MRPS27: variants seen among roughly 807,000 people sequenced by gnomAD.
MRPS27 encodes mitochondrial ribosomal protein S27, also known as small ribosomal subunit protein mS27.
In MRPS27, 43 loss-of-function variants were observed where a neutral mutation model predicts 48.9. The ratio of observed to expected loss-of-function variants is 0.88; its 90% CI spans 0.69 to 1.13. The LOEUF is 1.13. Ranked by LOEUF, MRPS27 falls within the 50% of genes most tolerant of loss-of-function variation. The pLI, the probability that MRPS27 is intolerant of heterozygous loss-of-function variation, is 0.00. For synonymous variants in MRPS27, 188 were observed against 171.9 expected (o/e 1.09, Z -0.73); for missense variants, 467 against 476.3 (o/e 0.98, Z 0.18).
chr5:72,271,483 G>T (rs190211701), intron 4 of MRPS27, among the ~76,000 whole-genome samples: 15 of 152,020 alleles, frequency 9.9e-5, no homozygotes, highest in African/African-American at 3.6e-4. Context: ...TAAAAAACAA[G>T]AGTTAAACCC....
chr5:72,316,324 C>T (rs1008946264), intron 1 of MRPS27, among the ~76,000 whole-genome samples: 1 of 152,158 alleles, frequency 6.6e-6, no homozygotes, highest in Non-Finnish European at 1.5e-5. Flanking sequence ...GGCTCCAGAA[C>T]TCTGTGTTTA....
intron 3 of MRPS27, among the ~76,000 whole-genome samples, chr5:72,296,677 A>G (rs1749991311): frequency 6.6e-6 from 1 of 152,234 alleles, no homozygotes; most frequent in Admixed American, 6.5e-5. Flanking sequence ...TGAGTCTATT[A>G]AATGTAACTT....
Position 72,219,938 on chromosome 5 carries a change from C to T in MRPS27, c.*971G>A, listed in dbSNP as rs960976786. The stretch of plus-strand genomic sequence containing the variant: ...AATCCAAAAAAGCTTCATGCTAGAG[C>T]TAGCTTTCTCCTCAGAAACTTACAT... On this transcript the variant is annotated 3_prime_UTR_variant, in exon 11 of 11. Transcript: ENST00000261413. 4 of 152,642 alleles carry T rather than the reference C, an allele frequency of 2.6e-5. No individual in the cohort carries two copies. Among genetic ancestry groups the T allele is most frequent in the Non-Finnish European group, 5.9e-5 (4 of 68,038 alleles). The allele number at this position is 152,642 out of a possible 1,614,324, so 9.5% of individuals were successfully genotyped here.
chr5:72,276,907 T>C (rs896101813), intron 4 of MRPS27, among the ~76,000 whole-genome samples: 1 of 152,076 alleles, frequency 6.6e-6, no homozygotes, highest in Non-Finnish European at 1.5e-5. Context: ...GACGGGCACC[T>C]GTAGTCCCAG....
intron 4 of MRPS27, among the ~76,000 whole-genome samples, chr5:72,280,058 C>T (rs570614849): frequency 6.6e-6 from 1 of 152,296 alleles, no homozygotes; most frequent in South Asian, 2.1e-4. Context: ...TGGGTTCTCT[C>T]TATTCTGCTC....
intron 2 of MRPS27, among the ~76,000 whole-genome samples, chr5:72,300,612 T>C (rs192841782): frequency 6.6e-6 from 1 of 152,338 alleles, no homozygotes; most frequent in East Asian, 1.9e-4. Context: ...AGGCCAAAAA[T>C]GTAGGCATCA....
In MRPS27 at chr5:72,307,722, G is replaced by A. The variant is rs1750312027; in HGVS notation, c.151+6359C>T. ...AGAAGTCAGGATACCGGTTACCTTT[G>A]GAGAGACTAAGTGGGGGCCGCAATA... On this transcript the variant is annotated intron_variant, in intron 2 of 10. Transcript: ENST00000261413. Among the ~76,000 whole-genome samples, 3 of 152,040 alleles carry A rather than the reference G, an allele frequency of 2.0e-5. No individual in the cohort carries two copies. In the South Asian group the frequency reaches 6.2e-4, roughly 31 times the overall value.
intron 5 of MRPS27, 113 bp downstream of exon 5, chr5:72,237,900 CA>C: frequency 1.5e-6 from 1 of 686,542 alleles, no homozygotes. Context: ...TATTTGAGGC[CA>C]AATAATTTTT....
At position 72,223,759 on chromosome 5, in the gene MRPS27, G is replaced by A. The variant is rs1020975144; in HGVS notation, c.929C>T (p.Ser310Leu). 1 of 1,613,940 alleles carries A rather than the reference G, an allele frequency of 6.2e-7. No individual in the cohort carries two copies. The highest frequency in any genetic ancestry group is 1.6e-4 in the Middle Eastern group (1 of 6,062). The change falls in exon 10 of 11, where the codon TCA (serine) becomes TTA (leucine). Residue 310 changes from serine to leucine, a missense_variant. By Grantham distance (145) the Ser-to-Leu change is moderately radical (BLOSUM62 -2). Transcript: ENST00000261413. Reference protein sequence around the residue: ...QSQNDEDNQGSEKLVEQLDIE... With the variant: ...QSQNDEDNQGLEKLVEQLDIE... ...GTCTAACTGCTCCACCAGTTTTTCT[G>A]ACCCCTGGTTGTCTTCATCATTTTG...
At chr5:72,229,927 C>G (rs1024166525) in intron 7 of MRPS27, among the ~76,000 whole-genome samples, 2 of 152,082 alleles carry the variant, frequency 1.3e-5, no homozygotes, top group African/African-American at 4.8e-5. Context: ...GCCCTATTGC[C>G]CAGGCTGGAA....
At chr5:72,298,568 C>T (rs1580110352) in intron 2 of MRPS27, among the ~76,000 whole-genome samples, 1 of 151,516 alleles carries the variant, frequency 6.6e-6, no homozygotes, top group Non-Finnish European at 1.5e-5. Context: ...TAGCCGGGCG[C>T]GGTGGCGGGC....
intron 4 of MRPS27, among the ~76,000 whole-genome samples, chr5:72,250,293 T>C (rs1362417652): frequency 6.6e-6 from 1 of 152,216 alleles, no homozygotes; most frequent in Non-Finnish European, 1.5e-5. Context: ...AAAGTTGGTG[T>C]CCATCATTCT....
At chr5:72,283,319 G>A (rs1449607008) in intron 4 of MRPS27, among the ~76,000 whole-genome samples, 1 of 152,094 alleles carries the variant, frequency 6.6e-6, no homozygotes, top group East Asian at 1.9e-4. Flanking sequence ...TTAATTCTAT[G>A]TCACACTGTT....
chr5:72,243,839 C>T (rs1035927139), intron 4 of MRPS27, among the ~76,000 whole-genome samples: 1 of 152,126 alleles, frequency 6.6e-6, no homozygotes, highest in African/African-American at 2.4e-5. Flanking sequence ...AAAATTCATA[C>T]GTTCAGTTTA....
intron 4 of MRPS27, among the ~76,000 whole-genome samples, chr5:72,264,432 A>G (rs888891528): frequency 1.8e-4 from 28 of 152,050 alleles, no homozygotes; most frequent in Non-Finnish European, 1.3e-4. Flanking sequence ...AAAGAGAGAG[A>G]GACTTACAAA....
intron 7 of MRPS27, chr5:72,229,692 A>C (rs941027510): frequency 6.5e-6 from 1 of 152,840 alleles, no homozygotes; most frequent in South Asian, 2.1e-4. Context: ...GGAGTCGAGC[A>C]GGGGTGGTGA....
intron 4 of MRPS27, among the ~76,000 whole-genome samples, chr5:72,246,209 A>T (rs1171387376): frequency 1.3e-5 from 2 of 152,250 alleles, no homozygotes; most frequent in Non-Finnish European, 2.9e-5. Flanking sequence ...AGGATTATTT[A>T]TATTTGAAAC....
chr5:72,275,315 C>T (rs1216120344), intron 4 of MRPS27, among the ~76,000 whole-genome samples: 2 of 152,122 alleles, frequency 1.3e-5, no homozygotes, highest in Admixed American at 6.5e-5. Flanking sequence ...TAGGAATACA[C>T]TAACAAGCAA....
At chr5:72,223,495 G>A (rs1438403086) in intron 10 of MRPS27, among the ~76,000 whole-genome samples, 188 bp downstream of exon 10, 1 of 152,170 alleles carries the variant, frequency 6.6e-6, no homozygotes, top group Non-Finnish European at 1.5e-5. Context: ...GTACAAAAAG[G>A]AGCATAAAAA....
Sources: gnomAD v4.1 joint callset for allele counts (sites outside exome capture counted in the v4.1 genomes callset) on GRCh38, gnomAD v4.1.1 for gene constraint, MANE v1.5 for transcripts, NCBI Gene and HGNC (gene_info 2026-07-23, HGNC 2026-07-21) for gene names.